RPH3A: variants seen among roughly 807,000 people sequenced by gnomAD.
RPH3A encodes rabphilin-3A.
Under a neutral mutation model 102.2 loss-of-function variants are expected in RPH3A, and 48 were observed. The observed-to-expected ratio is 0.47, with a 90% CI of 0.37 to 0.60. RPH3A has a LOEUF of 0.60. Among genes scored for constraint, RPH3A ranks in the 20% least tolerant of loss-of-function variants. RPH3A has a pLI of 0.00. For missense variants in RPH3A, 781 were observed against 910.1 expected (o/e 0.86, Z 1.83); for synonymous variants, 310 against 324.3 (o/e 0.96, Z 0.47).
rs188375400 is a variant in RPH3A, at chr12:112,792,867, G to A, written c.-19+604G>A. On this transcript the variant is annotated intron_variant, in intron 2 of 21. Coordinates refer to ENST00000389385, the MANE Select transcript of RPH3A (RefSeq NM_001143854.2). ...GCCAGGAAAGGGCCACACTATGCCT[G>A]GGATGAGTGGTCAGGCTGGCCAGAA... Among the ~76,000 whole-genome samples, 552 of 152,314 alleles carry A rather than the reference G, an allele frequency of 3.6e-3. 3 individuals carry two copies. Among genetic ancestry groups the A allele is most frequent in the African/African-American group, 0.012 (511 of 41,570 alleles).
chr12:112,787,648 C>G (rs531988850), upstream of RPH3A, among the ~76,000 whole-genome samples: 44 of 152,324 alleles, frequency 2.9e-4, no homozygotes, highest in African/African-American at 9.6e-4. Context: ...GGTCTTGGTT[C>G]AAATTCCAGT....
chr12:112,751,033 C>A (rs548458852), intron 1 of RPH3A, among the ~76,000 whole-genome samples: 1 of 152,278 alleles, frequency 6.6e-6, no homozygotes, highest in South Asian at 2.1e-4. Flanking sequence ...AAAACCTGAA[C>A]GTTGGTCTCA....
intron 21 of RPH3A, among the ~76,000 whole-genome samples, 163 bp downstream of exon 21, chr12:112,896,036 G>A (rs551341349): frequency 7.2e-4 from 110 of 152,226 alleles, no homozygotes; most frequent in Non-Finnish European, 1.4e-3. Flanking sequence ...GTCCAATTTG[G>A]GGATGTCTTT....
intron 1 of RPH3A, among the ~76,000 whole-genome samples, chr12:112,598,802 G>C (rs1273893364): frequency 2.6e-5 from 4 of 152,176 alleles, no homozygotes; most frequent in African/African-American, 9.7e-5. Context: ...TGGAATCTAA[G>C]CATAACTCAT....
At chr12:112,763,577 C>T (rs2040868739) in intron 1 of RPH3A, among the ~76,000 whole-genome samples, 1 of 152,184 alleles carries the variant, frequency 6.6e-6, no homozygotes, top group Admixed American at 6.5e-5. Context: ...AAAGAAATGT[C>T]TGGGTTAAGA....
chr12:112,694,409 C>T (rs1200885621), intron 1 of RPH3A, among the ~76,000 whole-genome samples: 2 of 152,070 alleles, frequency 1.3e-5, no homozygotes, highest in Non-Finnish European at 2.9e-5. Flanking sequence ...GTACAGGTCT[C>T]TGGGGCAAGT....
intron 1 of RPH3A, among the ~76,000 whole-genome samples, chr12:112,713,380 C>G (rs759747917): frequency 2.0e-5 from 3 of 152,070 alleles, no homozygotes; most frequent in Non-Finnish European, 4.4e-5. Flanking sequence ...TGATCTGTGT[C>G]CCTCTAGTTC....
chr12:112,848,733 G>T (rs2042273330), intron 5 of RPH3A, among the ~76,000 whole-genome samples: 1 of 152,130 alleles, frequency 6.6e-6, no homozygotes, highest in African/African-American at 2.4e-5. Context: ...TGTGAAGAGT[G>T]GAAGAGAGTG....
chr12:112,678,354 A>AAGG (rs1216547883), intron 1 of RPH3A, among the ~76,000 whole-genome samples: 8 of 145,078 alleles, frequency 5.5e-5, no homozygotes, highest in Admixed American at 1.4e-4. Flanking sequence ...GGAAGGAAGG[A>AAGG]AAGGAAGGAA....
intron 1 of RPH3A, among the ~76,000 whole-genome samples, chr12:112,658,468 T>G (rs1275648904): frequency 6.6e-6 from 1 of 152,230 alleles, no homozygotes; most frequent in Non-Finnish European, 1.5e-5. Context: ...TGAGCTATAG[T>G]GCCTGGCCAT....
At chr12:112,777,827 ATGGCTGCTTTTT>A (rs2040979162) in intron 1 of RPH3A, among the ~76,000 whole-genome samples, 2 of 152,232 alleles carry the variant, frequency 1.3e-5, no homozygotes, top group African/African-American at 4.8e-5. Flanking sequence ...CCGCAGCAGG[ATGGCTGCTTTTT>A]TGGCTGAGCT....
intron 1 of RPH3A, among the ~76,000 whole-genome samples, chr12:112,609,533 C>T (rs1592905168): frequency 2.0e-5 from 3 of 152,160 alleles, no homozygotes; most frequent in Non-Finnish European, 2.9e-5. Context: ...ACCAAGAAGC[C>T]GTCCTGGATT....
At chr12:112,889,945 G>T in intron 17 of RPH3A, 79 bp from the exon 18 acceptor site, 1 of 1,292,994 alleles carries the variant, frequency 7.7e-7, no homozygotes, top group Non-Finnish European at 1.1e-6. Flanking sequence ...ATGGAAGTAT[G>T]AGGGGTTTCT....
At chr12:112,713,233 G>T (rs1273779600) in intron 1 of RPH3A, among the ~76,000 whole-genome samples, 1 of 151,506 alleles carries the variant, frequency 6.6e-6, no homozygotes, top group Non-Finnish European at 1.5e-5. Flanking sequence ...TGCCTGACAT[G>T]TATTTGTATA....
chr12:112,641,452 A>C (rs774349961), intron 1 of RPH3A, among the ~76,000 whole-genome samples: 3 of 152,212 alleles, frequency 2.0e-5, no homozygotes, highest in Non-Finnish European at 4.4e-5. Flanking sequence ...GCTGGAGTGC[A>C]GTGGTGCATT....
At chr12:112,869,524 A>G (rs2042668763) in intron 8 of RPH3A, 2 of 525,300 alleles carry the variant, frequency 3.8e-6, no homozygotes, top group South Asian at 5.5e-5. Flanking sequence ...AAGGCTGTAT[A>G]GCATAATTGT....
intron 1 of RPH3A, among the ~76,000 whole-genome samples, chr12:112,587,585 C>T (rs562879118): frequency 6.6e-6 from 1 of 152,134 alleles, no homozygotes; most frequent in Non-Finnish European, 1.5e-5. Context: ...GTGGTTGGCT[C>T]TCTTATTTCA....
intron 4 of RPH3A, among the ~76,000 whole-genome samples, chr12:112,841,173 T>TTAAAAAAAAAAAAAAAAAA (rs535321182): frequency 9.0e-5 from 3 of 33,370 alleles, no homozygotes; most frequent in African/African-American, 4.2e-4. Flanking sequence ...CCTTGTTTCT[T>TTAAAAAAAAAAAAAAAAAA]AAAAAAAAAA....
intron 1 of RPH3A, among the ~76,000 whole-genome samples, chr12:112,727,442 TACACACACAGAC>T (rs60608983): frequency 0.44 from 40,871 of 92,770 alleles, 10,417 homozygotes; most frequent in East Asian, 0.74. Context: ...CACACATACA[TACACACACAGAC>T]ACAGACACAC....
Sources: allele counts gnomAD v4.1 joint callset (sites outside exome capture counted in the v4.1 genomes callset), GRCh38; gene constraint gnomAD v4.1.1; transcripts MANE v1.5; gene names NCBI Gene and HGNC (gene_info 2026-07-23, HGNC 2026-07-21).